The following RBFOX1 variants were observed in gnomAD, a reference collection of about 807,000 sequenced individuals.
The protein encoded by RBFOX1 is RNA binding fox-1 homolog 1.
Under a neutral mutation model 57.7 loss-of-function variants are expected in RBFOX1, and 8 were observed. The observed-to-expected ratio is 0.14, with a 90% CI of 0.08 to 0.25. The LOEUF is 0.25. Among genes scored for constraint, RBFOX1 ranks in the 10% least tolerant of loss-of-function variants. The probability of loss-of-function intolerance (pLI) is 1.00; values close to 1 mark genes in which losing one functional copy is unlikely to be tolerated. For synonymous variants in RBFOX1, 326 were observed against 222.4 expected, an observed-to-expected ratio of 1.47 and a Z score of -4.15; for missense variants, 611 against 548.5, an observed-to-expected ratio of 1.11 and a Z score of -1.14.
chr16:6,645,030 G>T (rs537017739), intron 2 of RBFOX1, among the ~76,000 whole-genome samples: 1 of 152,256 alleles, frequency 6.6e-6, no homozygotes, highest in South Asian at 2.1e-4. Flanking sequence ...GAAAGTGTGA[G>T]CAGGACGGCT....
chr16:6,931,300 T>TCTAC (rs1244240266), intron 3 of RBFOX1, among the ~76,000 whole-genome samples: 1,816 of 109,998 alleles, frequency 0.017, 47 homozygotes, highest in African/African-American at 0.066. Context: ...TGTCTGTCTA[T>TCTAC]CTATCTATCT....
At chr16:6,620,358 G>C (rs569184539) in intron 2 of RBFOX1, among the ~76,000 whole-genome samples, 11 of 152,268 alleles carry the variant, frequency 7.2e-5, no homozygotes, top group African/African-American at 2.4e-4. Context: ...TGTTAAGAGG[G>C]AAATGTATAG....
At chr16:7,415,682 G>T (rs1204621162) in intron 4 of RBFOX1, among the ~76,000 whole-genome samples, 2 of 152,158 alleles carry the variant, frequency 1.3e-5, no homozygotes, top group African/African-American at 2.4e-5. Context: ...CTACCAAGAA[G>T]CACTAGTTGA....
intron 13 of RBFOX1, among the ~76,000 whole-genome samples, chr16:7,672,425 A>T (rs2071773551): frequency 6.6e-6 from 1 of 152,216 alleles, no homozygotes; most frequent in South Asian, 2.1e-4. Context: ...GTAAACCATG[A>T]GAATTGACTG....
intron 4 of RBFOX1, among the ~76,000 whole-genome samples, chr16:7,081,948 G>A (rs1483374904): frequency 2.0e-5 from 3 of 152,148 alleles, no homozygotes; most frequent in African/African-American, 7.2e-5. Flanking sequence ...TAAAGGAGAA[G>A]AATCTGTGCT....
intron 4 of RBFOX1, among the ~76,000 whole-genome samples, chr16:5,976,918 G>A (rs1380467920): frequency 6.6e-6 from 1 of 152,070 alleles, no homozygotes; most frequent in Non-Finnish European, 1.5e-5. Context: ...AATTAGATGT[G>A]GAACAACGTT....
At chr16:6,820,743 A>G (rs995065406) in intron 3 of RBFOX1, among the ~76,000 whole-genome samples, 17 of 152,190 alleles carry the variant, frequency 1.1e-4, no homozygotes, top group Admixed American at 4.6e-4. Flanking sequence ...AAGAGCCTCT[A>G]TAGGCCTCAA....
At chr16:6,889,575 A>G (rs2064939769) in intron 3 of RBFOX1, among the ~76,000 whole-genome samples, 1 of 152,098 alleles carries the variant, frequency 6.6e-6, no homozygotes, top group Non-Finnish European at 1.5e-5. Flanking sequence ...TATTTGCAAC[A>G]TATACATGTC....
At chr16:6,813,400 G>A (rs1454574248) in intron 3 of RBFOX1, among the ~76,000 whole-genome samples, 1 of 152,080 alleles carries the variant, frequency 6.6e-6, no homozygotes, top group East Asian at 1.9e-4. Flanking sequence ...GCTCGTATGG[G>A]TTCCCAGGTG....
chr16:7,273,591 A>G (rs2095382695), intron 4 of RBFOX1, among the ~76,000 whole-genome samples: 1 of 152,208 alleles, frequency 6.6e-6, no homozygotes, highest in African/African-American at 2.4e-5. Flanking sequence ...AAAGTTGCAA[A>G]CAAGATACTT....
intron 3 of RBFOX1, among the ~76,000 whole-genome samples, chr16:5,684,738 T>G (rs1180977167): frequency 2.6e-5 from 4 of 152,202 alleles, no homozygotes; most frequent in African/African-American, 9.6e-5. Flanking sequence ...CACCGCCTAC[T>G]GTAATGAAGT....
intron 4 of RBFOX1, among the ~76,000 whole-genome samples, chr16:7,225,287 T>G (rs1304661802): frequency 6.6e-6 from 1 of 152,094 alleles, no homozygotes; most frequent in Non-Finnish European, 1.5e-5. Flanking sequence ...TCCTACGTGT[T>G]GTGGGAGGGA....
At chr16:6,706,180 C>G (rs922176480) in intron 3 of RBFOX1, among the ~76,000 whole-genome samples, 2 of 152,118 alleles carry the variant, frequency 1.3e-5, no homozygotes, top group African/African-American at 4.8e-5. Context: ...TTACTGCTCC[C>G]GTGAATAGGT....
At chr16:6,848,650 G>A (rs1191392092) in intron 3 of RBFOX1, among the ~76,000 whole-genome samples, 1 of 151,998 alleles carries the variant, frequency 6.6e-6, no homozygotes, top group Non-Finnish European at 1.5e-5. Flanking sequence ...GGAAGGAAAG[G>A]AGGGAGGGAA....
intron 3 of RBFOX1, among the ~76,000 whole-genome samples, chr16:6,905,812 G>T (rs1179454495): frequency 7.9e-5 from 12 of 152,206 alleles, no homozygotes; most frequent in Admixed American, 7.9e-4. Context: ...GAAACCTGCT[G>T]CCTTGGCACG....
chr16:6,357,124 G>C (rs2087479967), intron 2 of RBFOX1, among the ~76,000 whole-genome samples: 1 of 151,902 alleles, frequency 6.6e-6, no homozygotes, highest in Admixed American at 6.6e-5. Context: ...CCCTGCTTGC[G>C]GATTTTATTT....
chr16:5,545,788 T>C (rs2045172732), intron 2 of RBFOX1, among the ~76,000 whole-genome samples: 1 of 152,198 alleles, frequency 6.6e-6, no homozygotes, highest in Non-Finnish European at 1.5e-5. Context: ...AACAAGAATG[T>C]CTGCTCTTAT....
intron 2 of RBFOX1, among the ~76,000 whole-genome samples, chr16:6,363,693 G>C (rs2089046143): frequency 6.6e-6 from 1 of 152,160 alleles, no homozygotes; most frequent in African/African-American, 2.4e-5. Context: ...ACACTCCGGG[G>C]CTTAGCTAAA....
intron 1 of RBFOX1, among the ~76,000 whole-genome samples, chr16:6,133,782 A>C (rs2096646620): frequency 6.6e-6 from 1 of 152,102 alleles, no homozygotes; most frequent in African/African-American, 2.4e-5. Context: ...ATCCTGCCAC[A>C]GGGTCTTTGC....
Sources: gnomAD v4.1 joint callset for allele counts (sites outside exome capture counted in the v4.1 genomes callset) on GRCh38, gnomAD v4.1.1 for gene constraint, MANE v1.5 for transcripts, NCBI Gene and HGNC (gene_info 2026-07-23, HGNC 2026-07-21) for gene names.